The following CECR2 variants were observed in gnomAD, a reference collection of about 807,000 sequenced individuals.
The protein encoded by CECR2 is chromatin remodeling regulator CECR2.
CECR2 carries 30 observed loss-of-function variants against 154.5 expected under a neutral mutation model. The observed-to-expected ratio is 0.19, with a 90% CI of 0.15 to 0.26. The LOEUF (loss-of-function observed/expected upper bound fraction) is 0.26, where lower values mean the gene tolerates loss of function less well. Among genes scored for constraint, CECR2 ranks in the 10% least tolerant of loss-of-function variants. The probability of loss-of-function intolerance (pLI) is 1.00; values close to 1 mark genes in which losing one functional copy is unlikely to be tolerated. For synonymous variants in CECR2, 725 were observed against 683.7 expected (o/e 1.06, Z -0.94); for missense variants, 1,743 against 1,829.3 (o/e 0.95, Z 0.86).
chr22:17,534,472 AAGAG>A (rs1486065429), intron 9 of CECR2, among the ~76,000 whole-genome samples: 1 of 152,094 alleles, frequency 6.6e-6, no homozygotes, highest in Non-Finnish European at 1.5e-5. Flanking sequence ...ACCATAAGGA[AAGAG>A]AGAGAACTGA....
intron 8 of CECR2, among the ~76,000 whole-genome samples, chr22:17,523,859 T>G (rs1209259651): frequency 6.6e-6 from 1 of 151,956 alleles, no homozygotes; most frequent in Non-Finnish European, 1.5e-5. Flanking sequence ...CTCCAGTAAA[T>G]TATCCATAAG....
intron 8 of CECR2, among the ~76,000 whole-genome samples, chr22:17,515,251 G>A (rs182694784): frequency 5.9e-5 from 9 of 152,294 alleles, no homozygotes; most frequent in East Asian, 5.8e-4. Flanking sequence ...GTGCAGGGCC[G>A]TGCTGGAGGA....
intron 3 of CECR2, 34 bp from the exon 4 acceptor site, chr22:17,499,376 A>G (rs371557778): frequency 3.0e-4 from 481 of 1,587,878 alleles, no homozygotes; most frequent in Admixed American, 4.3e-4. Context: ...TTTGTTCCCC[A>G]TTTCCCCAAA....
At chr22:17,425,150 G>C (rs988361693) in intron 1 of CECR2, among the ~76,000 whole-genome samples, 1 of 151,974 alleles carries the variant, frequency 6.6e-6, no homozygotes, top group African/African-American at 2.4e-5. Context: ...TAGTAAATTT[G>C]TTTGGAAAGA....
At chr22:17,493,256 G>C (rs1203983332) in intron 2 of CECR2, among the ~76,000 whole-genome samples, 2 of 152,210 alleles carry the variant, frequency 1.3e-5, no homozygotes, top group African/African-American at 4.8e-5. Flanking sequence ...ACCGGCGTGA[G>C]CTACTGCGCC....
At chr22:17,374,728 GAC>G (rs1340111273) in intron 1 of CECR2, among the ~76,000 whole-genome samples, 1 of 152,204 alleles carries the variant, frequency 6.6e-6, no homozygotes, top group Non-Finnish European at 1.5e-5. Context: ...GATGATAAAT[GAC>G]ACTGCGTAGT....
intron 1 of CECR2, among the ~76,000 whole-genome samples, chr22:17,454,953 ACAGGGT>A (rs1157333483): frequency 3.9e-5 from 6 of 152,300 alleles, no homozygotes; most frequent in African/African-American, 1.4e-4. Context: ...AACAAAGGAG[ACAGGGT>A]CATTTATAAC....
intron 1 of CECR2, among the ~76,000 whole-genome samples, chr22:17,407,976 A>T (rs1257149424): frequency 6.6e-6 from 1 of 152,136 alleles, no homozygotes; most frequent in Non-Finnish European, 1.5e-5. Context: ...GTGACTAATA[A>T]TCTTGTCATC....
chr22:17,541,830 G>T lies in CECR2; in HGVS notation c.1885-9G>T. 1 of 1,609,104 alleles carries T rather than the reference G, an allele frequency of 6.2e-7. No individual in the cohort carries two copies. Among genetic ancestry groups the T allele is most frequent in the Non-Finnish European group, 8.5e-7 (1 of 1,177,524 alleles). On this transcript the variant is annotated splice_polypyrimidine_tract_variant and intron_variant, in intron 14 of 18. Coordinates refer to ENST00000262608, the MANE Select transcript of CECR2 (RefSeq NM_001290047.2). ...TTTTCCTCTTCTTGCTTTGTTCAAT[G>T]TGCTGCAGAGGCCAGCAGTACCAGG...
At chr22:17,551,073 T>C (rs2056701394) in intron 17 of CECR2, among the ~76,000 whole-genome samples, 1 of 152,254 alleles carries the variant, frequency 6.6e-6, no homozygotes, top group African/African-American at 2.4e-5. Flanking sequence ...TTGTCGTGTT[T>C]GCTTTATATG....
In CECR2 at chr22:17,549,321, C is replaced by T. The variant is rs764004218; in HGVS notation, c.4034C>T (p.Thr1345Met). Residue 1345 changes from threonine (T) to methionine (M), a missense_variant, in exon 17 of 19, where the codon ACG (threonine) becomes ATG (methionine). By Grantham distance (81) the Thr-to-Met change is moderately conservative. This residue lies in a region of CECR2 where 1,250 missense variants were observed against 1,192.1 expected (regional missense o/e 1.05). Transcript: ENST00000262608. ...AFPPHSVMLQ[T>M]GPPYTPQRPA... ...CCACCCCACAGTGTGATGCTGCAGACGGGGCCTCCCTATACCCCTCAGCGG... is the reference window on the plus strand; with the variant it reads ...CCACCCCACAGTGTGATGCTGCAGATGGGGCCTCCCTATACCCCTCAGCGG... 3.1e-6 allele frequency: 5 copies of T among 1,613,972 alleles called. No homozygotes were observed. The highest frequency in any genetic ancestry group is 2.2e-5 in the South Asian group (2 of 91,076).
rs754013306 is a variant in CECR2, at chr22:17,503,095, G to C, written c.664G>C (p.Glu222Gln). Reference sequence around the variant, plus strand: ...CCTGTGTTTCAGTGAAAAGCAGGAAGAAAATTCCTTGGCATCCGAGCCACA... The same window carrying C: ...CCTGTGTTTCAGTGAAAAGCAGGAACAAAATTCCTTGGCATCCGAGCCACA... Reference protein sequence around the residue: ...EEILLSEKQEENSLASEPQTR... With the variant: ...EEILLSEKQEQNSLASEPQTR... Residue 222 changes from glutamate to glutamine, a missense_variant, in exon 6 of 19, where the codon GAA (glutamate) becomes CAA (glutamine). Coordinates refer to ENST00000262608, the MANE Select transcript of CECR2 (RefSeq NM_001290047.2). The C allele has an allele frequency of 6.3e-7, 1 of 1,590,068 alleles. No homozygotes were observed. Among genetic ancestry groups the C allele is most frequent in the African/African-American group, 1.4e-5 (1 of 74,040 alleles).
chr22:17,491,666 C>T (rs1371127815), intron 2 of CECR2, among the ~76,000 whole-genome samples: 1 of 150,820 alleles, frequency 6.6e-6, no homozygotes, highest in African/African-American at 2.4e-5. Context: ...TTTTATTGTA[C>T]CTCTTCATGC....
At chr22:17,432,931 A>G (rs1487643815) in intron 1 of CECR2, among the ~76,000 whole-genome samples, 3 of 152,184 alleles carry the variant, frequency 2.0e-5, no homozygotes, top group African/African-American at 4.8e-5. Flanking sequence ...GTCAGTATTG[A>G]TGACAGTCAG....
At chr22:17,476,664 T>C (rs1359666123) in intron 1 of CECR2, among the ~76,000 whole-genome samples, 3 of 152,204 alleles carry the variant, frequency 2.0e-5, no homozygotes, top group East Asian at 1.9e-4. Flanking sequence ...GTTTGGTTTT[T>C]CTGGGGATTA....
chr22:17,519,794 CTTTT>C (rs695788), intron 8 of CECR2, among the ~76,000 whole-genome samples: 1 of 138,002 alleles, frequency 7.2e-6, no homozygotes, highest in Non-Finnish European at 1.6e-5. Flanking sequence ...ATTATCAAGT[CTTTT>C]TTTTTTTTTT....
intron 2 of CECR2, among the ~76,000 whole-genome samples, chr22:17,486,699 G>A (rs1181027229): frequency 6.6e-6 from 1 of 152,206 alleles, no homozygotes; most frequent in Non-Finnish European, 1.5e-5. Context: ...TTAAGTGTAA[G>A]GCAAGGAGAA....
At chr22:17,455,853 C>T (rs1222496733) in intron 1 of CECR2, among the ~76,000 whole-genome samples, 5 of 152,128 alleles carry the variant, frequency 3.3e-5, no homozygotes, top group African/African-American at 9.7e-5. Context: ...TCAGGTGATC[C>T]GCCTGGGATT....
At chr22:17,461,435 C>A (rs746612619) in intron 1 of CECR2, among the ~76,000 whole-genome samples, 8 of 152,164 alleles carry the variant, frequency 5.3e-5, no homozygotes, top group Non-Finnish European at 1.0e-4. Context: ...AAAATAGATA[C>A]AACAAACTCC....
Sources: gnomAD v4.1 joint callset for allele counts (sites outside exome capture counted in the v4.1 genomes callset) on GRCh38, gnomAD v4.1.1 for gene constraint, gnomAD v4.1.1 regional missense constraint, MANE v1.5 for transcripts, NCBI Gene and HGNC (gene_info 2026-07-23, HGNC 2026-07-21) for gene names.